Variants in FSTL5 observed in about 807,000 individuals in gnomAD.
FSTL5 encodes follistatin-related protein 5.
FSTL5 carries 62 observed loss-of-function variants against 89.1 expected under a neutral mutation model. That is an observed-to-expected ratio of 0.70 (90% CI 0.57 to 0.86). FSTL5 has a LOEUF of 0.86. Among genes scored for constraint, FSTL5 ranks in the 40% least tolerant of loss-of-function variants. The probability of loss-of-function intolerance (pLI) is 0.00; values close to 1 mark genes in which losing one functional copy is unlikely to be tolerated. For synonymous variants in FSTL5, 383 were observed against 346.2 expected, an observed-to-expected ratio of 1.11 and a Z score of -1.18; for missense variants, 1,057 against 1,001.6, an observed-to-expected ratio of 1.06 and a Z score of -0.75.
At chr4:161,936,912 G>T (rs963122) in intron 3 of FSTL5, among the ~76,000 whole-genome samples, 49,082 of 151,970 alleles carry the variant, frequency 0.32, 9,647 homozygotes, top group Non-Finnish European at 0.43. Flanking sequence ...AAAATTGGGA[G>T]TTCCCTAAAA....
chr4:161,576,355 T>C (rs756065852), intron 8 of FSTL5, among the ~76,000 whole-genome samples: 3 of 152,166 alleles, frequency 2.0e-5, no homozygotes, highest in Non-Finnish European at 4.4e-5. Flanking sequence ...AGAGCCGATA[T>C]AGCCAAGACA....
At chr4:161,754,261 C>T (rs1380736493) in intron 6 of FSTL5, among the ~76,000 whole-genome samples, 4 of 151,792 alleles carry the variant, frequency 2.6e-5, no homozygotes, top group Admixed American at 6.6e-5. Flanking sequence ...TATTTTTATG[C>T]CTGCTAGAAA....
intron 15 of FSTL5, chr4:161,387,958 A>G (rs1730703492): frequency 1.3e-5 from 2 of 152,022 alleles, no homozygotes; most frequent in Admixed American, 6.6e-5. Context: ...AACAACTACT[A>G]AATGCAAGGC....
chr4:161,934,616 G>C (rs67946306), intron 3 of FSTL5, among the ~76,000 whole-genome samples: 2 of 151,186 alleles, frequency 1.3e-5, no homozygotes, highest in African/African-American at 2.4e-5. Flanking sequence ...ATTTTGTGGG[G>C]TTTTTTTTCG....
chr4:162,030,454 C>G (rs747284030), intron 3 of FSTL5, among the ~76,000 whole-genome samples: 1 of 151,904 alleles, frequency 6.6e-6, no homozygotes, highest in Non-Finnish European at 1.5e-5. Context: ...AGAGTCTTAA[C>G]CAAAATATAA....
chr4:161,588,364 G>C, intron 7 of FSTL5, among the ~76,000 whole-genome samples: 1 of 151,968 alleles, frequency 6.6e-6, no homozygotes, highest in East Asian at 1.9e-4. Context: ...TGTGATCTCA[G>C]TGATAACATT....
chr4:161,928,588 G>A (rs1218405170), intron 3 of FSTL5, among the ~76,000 whole-genome samples: 1 of 151,706 alleles, frequency 6.6e-6, no homozygotes, highest in Admixed American at 6.6e-5. Context: ...GTTAGTGTCT[G>A]CAATGTTTTG....
intron 4 of FSTL5, among the ~76,000 whole-genome samples, chr4:161,877,133 G>A (rs1216702927): frequency 2.7e-5 from 4 of 146,740 alleles, no homozygotes; most frequent in Admixed American, 6.9e-5. Context: ...GCTGTGAGCC[G>A]AGATCGCGCC....
At chr4:161,892,505 A>T (rs895013390) in intron 4 of FSTL5, among the ~76,000 whole-genome samples, 1 of 152,020 alleles carries the variant, frequency 6.6e-6, no homozygotes, top group African/African-American at 2.4e-5. Flanking sequence ...AGACATTTTG[A>T]TCCCAACTTT....
intron 7 of FSTL5, among the ~76,000 whole-genome samples, chr4:161,596,101 T>C (rs898303897): frequency 6.6e-6 from 1 of 151,916 alleles, no homozygotes; most frequent in Non-Finnish European, 1.5e-5. Context: ...CTTCTACATA[T>C]TGAGATTGAC....
At chr4:161,602,379 T>G (rs1478265381) in intron 7 of FSTL5, among the ~76,000 whole-genome samples, 1 of 151,686 alleles carries the variant, frequency 6.6e-6, no homozygotes, top group African/African-American at 2.4e-5. Flanking sequence ...TATAGGTGAA[T>G]GGACATTATT....
At chr4:161,440,030 CA>C (rs1732705348) in intron 15 of FSTL5, among the ~76,000 whole-genome samples, 1 of 151,930 alleles carries the variant, frequency 6.6e-6, no homozygotes, top group Non-Finnish European at 1.5e-5. Flanking sequence ...CAGATAATGC[CA>C]AACAATACAA....
intron 6 of FSTL5, among the ~76,000 whole-genome samples, chr4:161,737,626 T>C (rs544336394): frequency 6.6e-6 from 1 of 152,180 alleles, no homozygotes; most frequent in Admixed American, 6.6e-5. Flanking sequence ...ATATTTCATA[T>C]TAAATTTAAA....
chr4:161,513,305 G>C (rs1249450245), intron 10 of FSTL5, among the ~76,000 whole-genome samples: 1 of 127,222 alleles, frequency 7.9e-6, no homozygotes, highest in Non-Finnish European at 1.8e-5. Flanking sequence ...GAGAGAGAGA[G>C]AGAGACAGAG....
intron 4 of FSTL5, among the ~76,000 whole-genome samples, chr4:161,818,888 T>C (rs1343703615): frequency 6.6e-6 from 1 of 152,228 alleles, no homozygotes; most frequent in Non-Finnish European, 1.5e-5. Flanking sequence ...GTATTTGGTT[T>C]ACTAGATAAA....
chr4:161,429,128 A>G (rs1483285715), intron 15 of FSTL5, among the ~76,000 whole-genome samples: 1 of 151,918 alleles, frequency 6.6e-6, no homozygotes, highest in Non-Finnish European at 1.5e-5. Flanking sequence ...AAGAGTGAAA[A>G]TGGGAGGGAA....
At chr4:161,409,608 A>T (rs567044321) in intron 15 of FSTL5, among the ~76,000 whole-genome samples, 3 of 152,172 alleles carry the variant, frequency 2.0e-5, no homozygotes, top group Admixed American at 2.0e-4. Context: ...TCTCGAACTC[A>T]TCACCTCGTG....
At chr4:161,978,784 C>G (rs1180423798) in intron 3 of FSTL5, among the ~76,000 whole-genome samples, 1 of 151,968 alleles carries the variant, frequency 6.6e-6, no homozygotes, top group East Asian at 1.9e-4. Flanking sequence ...CTAGATTTGC[C>G]TATTGTTATC....
intron 4 of FSTL5, among the ~76,000 whole-genome samples, chr4:161,876,817 A>T (rs1445784062): frequency 6.6e-6 from 1 of 152,104 alleles, no homozygotes; most frequent in Non-Finnish European, 1.5e-5. Context: ...CCTATTATAT[A>T]TTACTACAGA....
Sources: allele counts gnomAD v4.1 joint callset (sites outside exome capture counted in the v4.1 genomes callset), GRCh38; gene constraint gnomAD v4.1.1; transcripts MANE v1.5; gene names NCBI Gene and HGNC (gene_info 2026-07-23, HGNC 2026-07-21).